Variants in GOLGA4 observed in about 807,000 individuals in gnomAD.
GOLGA4 encodes the protein golgin A4, also known as golgin subfamily A member 4.
In GOLGA4, 169 loss-of-function variants were observed where a neutral mutation model predicts 265.9. The observed-to-expected ratio is 0.64, with a 90% CI of 0.56 to 0.72. The LOEUF (loss-of-function observed/expected upper bound fraction) is 0.72, where lower values mean the gene tolerates loss of function less well. Among genes scored for constraint, GOLGA4 ranks in the 30% least tolerant of loss-of-function variants. GOLGA4 has a pLI of 0.00. For missense variants in GOLGA4, 2,482 were observed against 2,483.4 expected (o/e 1.00, Z 0.01); for synonymous variants, 923 against 855.8 (o/e 1.08, Z -1.37).
rs1245703550 is a variant in GOLGA4, at chr3:37,366,249, A to G, written c.*203A>G. Reference sequence around the variant, plus strand: ...AGATAAGTTGCAGACTGCCTTTAAAATAGATTTTATCAGTGGAGAAATGGT... The same window carrying G: ...AGATAAGTTGCAGACTGCCTTTAAAGTAGATTTTATCAGTGGAGAAATGGT... On this transcript the variant is annotated 3_prime_UTR_variant, in exon 24 of 24. Transcript: ENST00000361924. 1 of 512,220 alleles carries G rather than the reference A, an allele frequency of 2.0e-6. No homozygotes were observed. Among genetic ancestry groups the G allele is most frequent in the East Asian group, 3.0e-5 (1 of 32,862 alleles). 31.7% of individuals were successfully genotyped at this position (512,220 alleles called of 1,614,324 possible).
At chr3:37,337,122 T>A (rs751932506) in intron 17 of GOLGA4, 21 bp from the exon 18 acceptor site, 1 of 1,393,638 alleles carries the variant, frequency 7.2e-7, no homozygotes, top group Non-Finnish European at 1.0e-6. Context: ...ACACTCATGT[T>A]TTTTCTTTCC....
At chr3:37,308,305 A>G (rs1424762480) in intron 10 of GOLGA4, among the ~76,000 whole-genome samples, 7 of 151,642 alleles carry the variant, frequency 4.6e-5, no homozygotes, top group African/African-American at 1.7e-4. Flanking sequence ...GTCAAAGCAT[A>G]GTCAGTTTAT....
At chr3:37,269,416 C>A (rs1344321119) in intron 2 of GOLGA4, among the ~76,000 whole-genome samples, 1 of 152,036 alleles carries the variant, frequency 6.6e-6, no homozygotes, top group Admixed American at 6.6e-5. Context: ...AACATGTACC[C>A]CTGAACTTAA....
intron 10 of GOLGA4, among the ~76,000 whole-genome samples, chr3:37,308,625 TA>T (rs1317290543): frequency 5.3e-5 from 8 of 150,824 alleles, no homozygotes; most frequent in Non-Finnish European, 7.4e-5. Flanking sequence ...TATATATATA[TA>T]TTTTTTTGAG....
chr3:37,289,553 T>C (rs1054892628), intron 5 of GOLGA4, among the ~76,000 whole-genome samples: 2 of 152,240 alleles, frequency 1.3e-5, no homozygotes, highest in Non-Finnish European at 2.9e-5. Flanking sequence ...CTTCCAAGGG[T>C]TAACTGGGTT....
chr3:37,278,813 CTT>C (rs1267375433), intron 2 of GOLGA4, among the ~76,000 whole-genome samples: 29 of 131,336 alleles, frequency 2.2e-4, no homozygotes, highest in Middle Eastern at 4.1e-3. Context: ...AGTTTGTTTA[CTT>C]TTTTTTTTTT....
At chr3:37,364,473 C>T (rs943336036) in intron 23 of GOLGA4, among the ~76,000 whole-genome samples, 1 of 152,086 alleles carries the variant, frequency 6.6e-6, no homozygotes, top group Non-Finnish European at 1.5e-5. Context: ...AACTCCTGAC[C>T]TCAGGTGATC....
chr3:37,288,408 C>G (rs539806955), intron 4 of GOLGA4, among the ~76,000 whole-genome samples: 166 of 140,580 alleles, frequency 1.2e-3, no homozygotes, highest in Non-Finnish European at 2.0e-3. Flanking sequence ...CATGCCCGGC[C>G]AGCTTCTTGA....
intron 20 of GOLGA4, among the ~76,000 whole-genome samples, chr3:37,340,475 T>C (rs1430931880): frequency 6.6e-6 from 1 of 152,146 alleles, no homozygotes; most frequent in Non-Finnish European, 1.5e-5. Flanking sequence ...TCTACTCTTT[T>C]CACAGTTTTC....
Position 37,325,865 on chromosome 3 carries a change from G to A in GOLGA4, c.3979G>A (p.Gly1327Arg). The change falls in exon 14 of 24, where the codon GGA becomes AGA. Residue 1327 changes from glycine to arginine, a missense_variant. Physicochemically the swap from Gly to Arg is moderately radical, Grantham distance 125. Transcript: ENST00000361924. ...AGAAAAAGAAGCCTTACAGAAGGAA[G>A]GAGGCAATCAGCAACAGGCTGCTTC... ...VTEKEALQKEGGNQQQAASEK... is the reference protein window; with the variant it reads ...VTEKEALQKERGNQQQAASEK... 6.2e-7 allele frequency: 1 copy of A among 1,613,576 alleles called. No individual in the cohort carries two copies. The highest frequency in any genetic ancestry group is 8.5e-7 in the Non-Finnish European group (1 of 1,179,762).
rs767514016 is a variant in GOLGA4 at position 37,325,801 on chromosome 3, A to C, written c.3915A>C (p.Gln1305His). 8 of 1,613,214 alleles carry C rather than the reference A, an allele frequency of 5.0e-6. No homozygotes were observed. The highest frequency in any genetic ancestry group is 6.8e-6 in the Non-Finnish European group (8 of 1,179,458). Residue 1305 changes from glutamine to histidine, a missense_variant, in exon 14 of 24, where the codon CAA becomes CAC. By Grantham distance (24) the Gln-to-His change is conservative. This residue lies in a region of GOLGA4 where 1,536 missense variants were observed against 1,483.7 expected (regional missense o/e 1.04). Transcript: ENST00000361924. ...ATHQLEEKEN[Q>H]IKSMKADIES... ...ATCAGTTAGAAGAAAAAGAAAATCAAATTAAGAGCATGAAGGCTGATATTG... is the reference window on the plus strand; with the variant it reads ...ATCAGTTAGAAGAAAAAGAAAATCACATTAAGAGCATGAAGGCTGATATTG...
intron 16 of GOLGA4, among the ~76,000 whole-genome samples, chr3:37,330,190 G>A (rs941270026): frequency 4.6e-5 from 7 of 151,420 alleles, no homozygotes; most frequent in African/African-American, 1.5e-4. Flanking sequence ...AGCTAGTTTA[G>A]TTCTACTTTT....
intron 7 of GOLGA4, among the ~76,000 whole-genome samples, chr3:37,296,967 TAGC>T (rs1206131593): frequency 1.3e-5 from 2 of 151,746 alleles, no homozygotes; most frequent in Non-Finnish European, 1.5e-5. Flanking sequence ...GTTTTATTAA[TAGC>T]AGTAGCTAGA....
chr3:37,286,564 C>G (rs961755124), intron 4 of GOLGA4, among the ~76,000 whole-genome samples: 1 of 151,818 alleles, frequency 6.6e-6, no homozygotes, highest in Non-Finnish European at 1.5e-5. Context: ...GAATGAGATC[C>G]CAGAGATTTT....
intron 10 of GOLGA4, among the ~76,000 whole-genome samples, chr3:37,305,853 T>G (rs1242743359): frequency 6.6e-6 from 1 of 152,198 alleles, no homozygotes. Flanking sequence ...CACTAATTCC[T>G]TTGGCTCACT....
At chr3:37,258,702 C>T (rs570846688) in intron 2 of GOLGA4, among the ~76,000 whole-genome samples, 1 of 152,068 alleles carries the variant, frequency 6.6e-6, no homozygotes, top group Non-Finnish European at 1.5e-5. Flanking sequence ...TTAAAGGCAT[C>T]GTTTTAGGGA....
intron 21 of GOLGA4, among the ~76,000 whole-genome samples, chr3:37,351,981 TCTC>T (rs975381276): frequency 6.6e-6 from 1 of 152,068 alleles, no homozygotes; most frequent in African/African-American, 2.4e-5. Context: ...CTTTTGAACT[TCTC>T]CTCTCTAGCT....
intron 10 of GOLGA4, among the ~76,000 whole-genome samples, chr3:37,305,701 C>T (rs1278659580): frequency 1.3e-5 from 2 of 152,166 alleles, no homozygotes; most frequent in Non-Finnish European, 2.9e-5. Flanking sequence ...ATCATTACAG[C>T]TTGCTATTAG....
In GOLGA4 at chr3:37,346,451, T is replaced by A. The variant is rs182552625; in HGVS notation, c.6473-742T>A. 2.4e-4 allele frequency among the ~76,000 whole-genome samples: 37 copies of A among 152,352 alleles called. No homozygotes were observed. The East Asian group carries it at 5.4e-3, about 22-fold the overall frequency. Reference sequence around the variant, plus strand: ...TGTGTCCTATGTAAATTACTTTTTTTATCTAATATTATTTTGAGATTCATT... The same window carrying A: ...TGTGTCCTATGTAAATTACTTTTTTAATCTAATATTATTTTGAGATTCATT... On this transcript the variant is annotated intron_variant, in intron 20 of 23. Transcript: ENST00000361924.
Sources: allele counts gnomAD v4.1 joint callset (sites outside exome capture counted in the v4.1 genomes callset), GRCh38; gene constraint gnomAD v4.1.1; regional missense constraint gnomAD v4.1.1; transcripts MANE v1.5; gene names NCBI Gene and HGNC (gene_info 2026-07-23, HGNC 2026-07-21).